The following TDRD9 variants were observed in gnomAD, a reference collection of about 807,000 sequenced individuals.
TDRD9 encodes the protein ATP-dependent RNA helicase TDRD9.
In TDRD9, 124 loss-of-function variants were observed where a neutral mutation model predicts 172.6. The ratio of observed to expected loss-of-function variants is 0.72; its 90% CI spans 0.62 to 0.83. The LOEUF is 0.83. Ranked by LOEUF, TDRD9 falls within the 40% of genes least tolerant of loss-of-function variation. The probability of loss-of-function intolerance (pLI) is 0.00; values close to 1 mark genes in which losing one functional copy is unlikely to be tolerated. For missense variants in TDRD9, 1,479 were observed against 1,714.1 expected (o/e 0.86, Z 2.42); for synonymous variants, 619 against 617.1 (o/e 1.00, Z -0.05).
chr14:104,001,718 C>T (rs951963328), intron 13 of TDRD9, among the ~76,000 whole-genome samples: 1 of 152,164 alleles, frequency 6.6e-6, no homozygotes, highest in Non-Finnish European at 1.5e-5. Flanking sequence ...AAGCAATTCT[C>T]CTGCCTCAGC....
Position 103,930,210 on chromosome 14 carries a change from T to A in TDRD9, c.215+1486T>A, listed in dbSNP as rs542611329. Among the ~76,000 whole-genome samples, 516 of 151,398 alleles carry A rather than the reference T, an allele frequency of 3.4e-3. 3 individuals are homozygous for A. Among genetic ancestry groups the A allele is most frequent in the African/African-American group, 0.012 (483 of 41,308 alleles). ...TTCTTGGTTTTTTTTTTTTGAGACA[T>A]AGTTTCGCTCTTGTTGCCCAGGCTG... On this transcript the variant is annotated intron_variant, in intron 1 of 35. Transcript: ENST00000409874.
intron 13 of TDRD9, among the ~76,000 whole-genome samples, chr14:104,000,145 G>T (rs2034211744): frequency 6.6e-6 from 1 of 152,010 alleles, no homozygotes; most frequent in South Asian, 2.1e-4. Context: ...TGGACAACAT[G>T]GCAAAACTCT....
chr14:104,000,986 C>G (rs978934619), intron 13 of TDRD9, among the ~76,000 whole-genome samples: 7 of 152,254 alleles, frequency 4.6e-5, no homozygotes, highest in Admixed American at 4.6e-4. Flanking sequence ...TCCTTTGAAT[C>G]CTTCTCTTAT....
At chr14:103,929,288 C>T (rs1054990196) in intron 1 of TDRD9, among the ~76,000 whole-genome samples, 1 of 152,114 alleles carries the variant, frequency 6.6e-6, no homozygotes, top group African/African-American at 2.4e-5. Context: ...GATTTTTTTA[C>T]TGTCTCCATA....
intron 2 of TDRD9, among the ~76,000 whole-genome samples, chr14:103,956,099 AAAAAAAAAAAAAATATATAT>A (rs1256175112): frequency 1.1e-3 from 58 of 53,268 alleles, no homozygotes; most frequent in Non-Finnish European, 1.5e-3. Context: ...AAAAAAAAAA[AAAAAAAAAAAAAATATATAT>A]ATATATATAT....
At chr14:104,050,876 A>T (rs1596040331) in intron 35 of TDRD9, among the ~76,000 whole-genome samples, 2 of 152,218 alleles carry the variant, frequency 1.3e-5, no homozygotes, top group South Asian at 4.1e-4. Context: ...TGTCTTCAAG[A>T]CCTGTAATGC....
At chr14:103,953,142 TTC>T (rs1290992372) in intron 1 of TDRD9, among the ~76,000 whole-genome samples, 8 of 152,176 alleles carry the variant, frequency 5.3e-5, no homozygotes, top group East Asian at 1.9e-4. Flanking sequence ...ATATTGTTAT[TTC>T]TCTCTCTGCT....
intron 1 of TDRD9, chr14:103,940,936 T>C: frequency 6.5e-7 from 1 of 1,535,438 alleles, no homozygotes; most frequent in Non-Finnish European, 8.7e-7. Flanking sequence ...CTTGGAGCTG[T>C]CACCTTGGAT....
rs767700686 is a variant in TDRD9, at chr14:103,991,237, T to A, written c.1180+13T>A. ...GTGTTTTTGCCAGGTAAGAACATCA[T>A]AATTTTGTGACTTGGAATCATAATA... On this transcript the variant is annotated intron_variant, in intron 9 of 35. Transcript: ENST00000409874. The A allele has an allele frequency of 4.3e-6, 7 of 1,613,698 alleles. No individual in the cohort carries two copies. In the South Asian group the frequency reaches 7.7e-5, roughly 18 times the overall value.
At chr14:103,979,924 G>A (rs919079142) in intron 7 of TDRD9, among the ~76,000 whole-genome samples, 20 of 151,154 alleles carry the variant, frequency 1.3e-4, no homozygotes, top group South Asian at 4.2e-4. Flanking sequence ...TACCTAGGCC[G>A]GAGTGCATTG....
chr14:103,987,123 T>TATATAC (rs1167102708), intron 8 of TDRD9, among the ~76,000 whole-genome samples: 5 of 145,800 alleles, frequency 3.4e-5, no homozygotes, highest in African/African-American at 1.3e-4. Context: ...AAAAAATATA[T>TATATAC]ACACACACAC....
chr14:103,963,209 GT>G, intron 3 of TDRD9, 33 bp downstream of exon 3: 1 of 1,439,872 alleles, frequency 6.9e-7, no homozygotes. Flanking sequence ...TAATTTTGCT[GT>G]TTGAATACAT....
chr14:103,947,505 T>C (rs1455766251), intron 1 of TDRD9, among the ~76,000 whole-genome samples: 1 of 152,002 alleles, frequency 6.6e-6, no homozygotes, highest in Non-Finnish European at 1.5e-5. Context: ...TTTTTTTGTA[T>C]TTTTAGTAGA....
At chr14:104,019,135 C>CT (rs1285356291) in intron 23 of TDRD9, among the ~76,000 whole-genome samples, 1 of 152,164 alleles carries the variant, frequency 6.6e-6, no homozygotes. Context: ...TATAAAGTAA[C>CT]TTACTTAAAG....
At chr14:103,951,805 C>T (rs1051433633) in intron 1 of TDRD9, among the ~76,000 whole-genome samples, 5 of 151,070 alleles carry the variant, frequency 3.3e-5, no homozygotes, top group Non-Finnish European at 5.9e-5. Flanking sequence ...CTTGCTGTGT[C>T]GCCCAGGCTG....
chr14:103,976,043 C>A (rs79996316), intron 7 of TDRD9, among the ~76,000 whole-genome samples: 2,692 of 152,226 alleles, frequency 0.018, 80 homozygotes, highest in African/African-American at 0.062. Context: ...TATTTCCCCC[C>A]CTTCCCAGCC....
At chr14:104,034,511 A>G (rs1166490528) in intron 31 of TDRD9, among the ~76,000 whole-genome samples, 3 of 152,084 alleles carry the variant, frequency 2.0e-5, no homozygotes, top group East Asian at 3.9e-4. Context: ...CTTTTAGGCC[A>G]TTTTCTGACT....
At chr14:103,964,766 G>A (rs57050909) in intron 3 of TDRD9, among the ~76,000 whole-genome samples, 2,702 of 152,170 alleles carry the variant, frequency 0.018, 79 homozygotes, top group African/African-American at 0.062. Context: ...CTCGTGATCC[G>A]CCCGCCTTGG....
At chr14:103,987,670 A>G (rs770170102) in intron 8 of TDRD9, among the ~76,000 whole-genome samples, 3 of 152,184 alleles carry the variant, frequency 2.0e-5, no homozygotes, top group Non-Finnish European at 4.4e-5. Flanking sequence ...CATGCCTAGC[A>G]TGTAGACTGT....
Sources: allele counts gnomAD v4.1 joint callset (sites outside exome capture counted in the v4.1 genomes callset), GRCh38; gene constraint gnomAD v4.1.1; transcripts MANE v1.5; gene names NCBI Gene and HGNC (gene_info 2026-07-23, HGNC 2026-07-21).